The following WDR41 variants were observed in gnomAD, a reference collection of about 807,000 sequenced individuals.
The protein encoded by WDR41 is WD repeat-containing protein 41.
Under a neutral mutation model 69.3 loss-of-function variants are expected in WDR41, and 63 were observed. The observed-to-expected ratio is 0.91, with a 90% CI of 0.74 to 1.12. WDR41 has a LOEUF of 1.12. Among genes scored for constraint, WDR41 ranks in the 50% most tolerant of loss-of-function variants. The pLI is 0.00. For missense variants in WDR41, 543 were observed against 534.5 expected, an observed-to-expected ratio of 1.02 and a Z score of -0.16; for synonymous variants, 185 against 192.1, an observed-to-expected ratio of 0.96 and a Z score of 0.31.
At chr5:77,538,040 A>G (rs937812284) in intron 1 of WDR41, among the ~76,000 whole-genome samples, 1 of 152,098 alleles carries the variant, frequency 6.6e-6, no homozygotes, top group African/African-American at 2.4e-5. Flanking sequence ...CCACCACCCA[A>G]ATAATATACA....
At chr5:77,605,813 A>T (rs1744405507) in intron 1 of WDR41, among the ~76,000 whole-genome samples, 1 of 151,876 alleles carries the variant, frequency 6.6e-6, no homozygotes, top group African/African-American at 2.4e-5. Context: ...CTTTGTGCTT[A>T]AAAAAAATAT....
rs745880648 is a variant in WDR41 at position 77,436,414 on chromosome 5, C to A, written c.1094-20G>T. The A allele has an allele frequency of 6.2e-7, 1 of 1,613,218 alleles. No individual in the cohort carries two copies. Among genetic ancestry groups the A allele is most frequent in the Non-Finnish European group, 8.5e-7 (1 of 1,179,588 alleles). ...AAAAACCTAGAAAAAGAATCATTTCCAAAATTACTGTGCTCTGTACTTACA... is the reference window on the plus strand; with the variant it reads ...AAAAACCTAGAAAAAGAATCATTTCAAAAATTACTGTGCTCTGTACTTACA... On this transcript the variant is annotated intron_variant, in intron 11 of 12. Transcript: ENST00000296679.
intron 1 of WDR41, among the ~76,000 whole-genome samples, chr5:77,612,161 AC>A (rs1744567877): frequency 6.6e-6 from 1 of 152,222 alleles, no homozygotes; most frequent in Non-Finnish European, 1.5e-5. Flanking sequence ...TAGTTTACCA[AC>A]CAAAAAGAGT....
chr5:77,521,462 A>G (rs1046292097), intron 1 of WDR41, among the ~76,000 whole-genome samples: 1 of 152,198 alleles, frequency 6.6e-6, no homozygotes, highest in African/African-American at 2.4e-5. Flanking sequence ...GTAAGAAAAT[A>G]CTTTGTTTCC....
At chr5:77,474,977 A>G (rs1800836633) in intron 2 of WDR41, among the ~76,000 whole-genome samples, 1 of 152,242 alleles carries the variant, frequency 6.6e-6, no homozygotes, top group Non-Finnish European at 1.5e-5. Flanking sequence ...CGCGAGCCGA[A>G]GCAGGGCGAC....
chr5:77,606,561 G>C (rs6894492), intron 1 of WDR41, among the ~76,000 whole-genome samples: 43,424 of 151,924 alleles, frequency 0.29, 7,247 homozygotes, highest in African/African-American at 0.45. Context: ...CCAGCACTTT[G>C]AGAGGCCAAG....
At chr5:77,506,322 T>C (rs1802106942) in intron 1 of WDR41, among the ~76,000 whole-genome samples, 1 of 152,116 alleles carries the variant, frequency 6.6e-6, no homozygotes, top group African/African-American at 2.4e-5. Context: ...GAAATTCAAA[T>C]CAAAACCACA....
chr5:77,585,749 C>T (rs912360918), intron 1 of WDR41, among the ~76,000 whole-genome samples: 2 of 152,072 alleles, frequency 1.3e-5, no homozygotes, highest in Non-Finnish European at 2.9e-5. Flanking sequence ...CATATGTTCC[C>T]ACTGATATGT....
At chr5:77,601,789 A>G (rs1255337158) in intron 1 of WDR41, among the ~76,000 whole-genome samples, 1 of 152,214 alleles carries the variant, frequency 6.6e-6, no homozygotes, top group Non-Finnish European at 1.5e-5. Flanking sequence ...CTATTCATAA[A>G]TGTCAAGGCT....
chr5:77,609,686 A>G, intron 1 of WDR41, among the ~76,000 whole-genome samples: 1 of 152,042 alleles, frequency 6.6e-6, no homozygotes, highest in East Asian at 1.9e-4. Context: ...CCAAAAGTAG[A>G]TAAAACCACA....
chr5:77,464,656 T>C, intron 3 of WDR41, 105 bp downstream of exon 3: 1 of 1,138,392 alleles, frequency 8.8e-7, no homozygotes, highest in East Asian at 2.4e-5. Context: ...AATGTGTCAA[T>C]TAACAGTGAT....
intron 1 of WDR41, among the ~76,000 whole-genome samples, chr5:77,605,850 G>T (rs1417044943): frequency 1.3e-5 from 2 of 152,062 alleles, no homozygotes; most frequent in Non-Finnish European, 2.9e-5. Flanking sequence ...TTGACTGATA[G>T]ACTTTATACC....
chr5:77,607,258 A>C lies in WDR41; in HGVS notation c.42+13221T>G, dbSNP rs574288273. Among the ~76,000 whole-genome samples, 5 of 152,364 alleles carry C rather than the reference A, an allele frequency of 3.3e-5. No homozygotes were observed. In the East Asian group the frequency reaches 9.6e-4, roughly 29 times the overall value. On this transcript the variant is annotated intron_variant, in intron 1 of 5. Transcript: ENST00000509971. ...GAACCCACTGATCAATTGTAGCATC[A>C]CTAAAATGAGGAAATAGAGGAAGGT...
At chr5:77,492,064 G>T (rs1009228879) in intron 1 of WDR41, 106 bp downstream of exon 1, 2 of 1,398,042 alleles carry the variant, frequency 1.4e-6, no homozygotes, top group Non-Finnish European at 9.8e-7. Flanking sequence ...AGCCAGCCCC[G>T]CCTCCGCCCG....
At chr5:77,490,071 A>T (rs1801703008) in intron 1 of WDR41, among the ~76,000 whole-genome samples, 3 of 152,024 alleles carry the variant, frequency 2.0e-5, no homozygotes, top group Non-Finnish European at 4.4e-5. Context: ...GATTTCTCAA[A>T]CTTGATGCTG....
At chr5:77,576,507 C>T (rs527796103) in intron 1 of WDR41, among the ~76,000 whole-genome samples, 48 of 152,262 alleles carry the variant, frequency 3.2e-4, no homozygotes, top group Admixed American at 1.3e-3. Context: ...ATATAAGCCA[C>T]TCTCTCTTTA....
intron 1 of WDR41, among the ~76,000 whole-genome samples, chr5:77,490,254 G>A (rs1429725047): frequency 1.3e-5 from 2 of 152,176 alleles, no homozygotes; most frequent in South Asian, 4.2e-4. Context: ...GTAAGCCACC[G>A]CGCCCAGCCC....
chr5:77,485,858 A>G (rs1801494421), intron 2 of WDR41, among the ~76,000 whole-genome samples: 2 of 152,216 alleles, frequency 1.3e-5, no homozygotes, highest in Non-Finnish European at 2.9e-5. Flanking sequence ...TGAGCCACTG[A>G]GAAAACAAGA....
intron 1 of WDR41, chr5:77,546,035 G>A: frequency 1.8e-6 from 1 of 549,546 alleles, no homozygotes. Flanking sequence ...GCTGATGATG[G>A]CTGGTATTGA....
Sources: allele counts gnomAD v4.1 joint callset (sites outside exome capture counted in the v4.1 genomes callset), GRCh38; gene constraint gnomAD v4.1.1; transcripts MANE v1.5; gene names NCBI Gene and HGNC (gene_info 2026-07-23, HGNC 2026-07-21).